The following AP3B1 variants were observed in gnomAD, a reference collection of about 807,000 sequenced individuals.
The protein encoded by AP3B1 is adaptor related protein complex 3 subunit beta 1.
A neutral mutation model predicts 132.5 loss-of-function variants in AP3B1; 61 were observed. That is an observed-to-expected ratio of 0.46 (90% CI 0.37 to 0.57). AP3B1 has a LOEUF of 0.57. Ranked by LOEUF, AP3B1 falls within the 20% of genes least tolerant of loss-of-function variation. The pLI is 0.00. For missense variants in AP3B1, 1,120 were observed against 1,289.4 expected (o/e 0.87, Z 2.01); for synonymous variants, 388 against 438.3 (o/e 0.89, Z 1.43).
At chr5:78,266,914 A>T (rs931397249) in intron 2 of AP3B1, among the ~76,000 whole-genome samples, 1 of 152,188 alleles carries the variant, frequency 6.6e-6, no homozygotes, top group Non-Finnish European at 1.5e-5. Context: ...ATAAAAAATT[A>T]AAATTAAAAC....
At chr5:78,203,830 A>C (rs1316686324) in intron 7 of AP3B1, among the ~76,000 whole-genome samples, 1 of 152,166 alleles carries the variant, frequency 6.6e-6, no homozygotes, top group African/African-American at 2.4e-5. Context: ...AATTGACTTA[A>C]GTTCACCCAT....
At chr5:78,140,324 A>C (rs1753091643) in intron 15 of AP3B1, among the ~76,000 whole-genome samples, 1 of 152,192 alleles carries the variant, frequency 6.6e-6, no homozygotes, top group African/African-American at 2.4e-5. Flanking sequence ...CCATGCGTTC[A>C]AACTGCAAAA....
chr5:78,072,573 C>T (rs1474159240), intron 22 of AP3B1, among the ~76,000 whole-genome samples: 2 of 151,810 alleles, frequency 1.3e-5, no homozygotes, highest in African/African-American at 4.8e-5. Flanking sequence ...TCCATATTAA[C>T]ATTTGGAGGG....
chr5:78,036,076 T>C (rs1430846867), intron 23 of AP3B1, among the ~76,000 whole-genome samples: 3 of 152,144 alleles, frequency 2.0e-5, no homozygotes, highest in Non-Finnish European at 2.9e-5. Flanking sequence ...TCATGTATCT[T>C]TGCATGTCAT....
At chr5:78,078,802 A>G (rs1749867750) in intron 22 of AP3B1, among the ~76,000 whole-genome samples, 1 of 152,186 alleles carries the variant, frequency 6.6e-6, no homozygotes, top group South Asian at 2.1e-4. Context: ...TAGCATAGTG[A>G]TTTAGTCATA....
chr5:78,266,183 T>G (rs1425064513), intron 2 of AP3B1, among the ~76,000 whole-genome samples: 1 of 152,168 alleles, frequency 6.6e-6, no homozygotes, highest in African/African-American at 2.4e-5. Flanking sequence ...CCATGGTAAA[T>G]GAAATTTGAA....
At chr5:78,109,568 A>C (rs924195706) in intron 20 of AP3B1, among the ~76,000 whole-genome samples, 2 of 152,160 alleles carry the variant, frequency 1.3e-5, no homozygotes, top group African/African-American at 4.8e-5. Context: ...AAGACCAAAA[A>C]GATAATTATC....
intron 12 of AP3B1, among the ~76,000 whole-genome samples, chr5:78,163,581 G>C (rs773001906): frequency 2.1e-5 from 3 of 144,224 alleles, no homozygotes; most frequent in African/African-American, 5.3e-5. Context: ...AAGGGTATAT[G>C]TGTGTGTGTG....
chr5:78,165,828 G>C (rs980061448), intron 11 of AP3B1, among the ~76,000 whole-genome samples, 156 bp from the exon 12 acceptor site: 1 of 152,162 alleles, frequency 6.6e-6, no homozygotes, highest in Non-Finnish European at 1.5e-5. Context: ...CAGCACTTTG[G>C]GAAGCCGAGG....
At position 78,036,185 on chromosome 5, in the gene AP3B1, G is replaced by A. The variant is rs184493924; in HGVS notation, c.2810-1740C>T. On this transcript the variant is annotated intron_variant, in intron 23 of 26. Coordinates refer to ENST00000255194, the MANE Select transcript of AP3B1 (RefSeq NM_003664.5). ...TAAGATAATTAACTGTGAGCTTAGT[G>A]CCATACTAATTCTGGGGGACAGTCC... 3.3e-5 allele frequency among the ~76,000 whole-genome samples: 5 copies of A among 152,216 alleles called. No homozygotes were observed. In the East Asian group the frequency reaches 9.7e-4, roughly 29 times the overall value.
intron 17 of AP3B1, among the ~76,000 whole-genome samples, chr5:78,117,301 T>C (rs1170613026): frequency 6.7e-6 from 1 of 148,662 alleles, no homozygotes. Flanking sequence ...GAATTTAAAA[T>C]ATTTTGTGCA....
Position 78,163,439 on chromosome 5 carries a change from G to A in AP3B1, c.1231-488C>T, listed in dbSNP as rs559883364. 7.1e-4 allele frequency among the ~76,000 whole-genome samples: 108 copies of A among 151,828 alleles called. 1 individual carries two copies. The highest frequency in any genetic ancestry group is 5.8e-4 in the East Asian group (3 of 5,162). ...TTTTAATTTCAAAATCTATCACAAT[G>A]GTTGTAAAAGAATAATAGTTACGGT... On this transcript the variant is annotated intron_variant, in intron 12 of 26. Transcript: ENST00000255194.
chr5:78,110,775 CGT>C (rs1491505221), intron 19 of AP3B1, among the ~76,000 whole-genome samples: 2 of 143,268 alleles, frequency 1.4e-5, no homozygotes, highest in Non-Finnish European at 3.1e-5. Flanking sequence ...TGTATATATA[CGT>C]ATATATATAC....
intron 16 of AP3B1, 106 bp downstream of exon 16, chr5:78,129,015 A>C (rs887009635): frequency 3.2e-6 from 3 of 942,112 alleles, no homozygotes; most frequent in African/African-American, 1.7e-5. Flanking sequence ...ATATATGCGA[A>C]TCATTTATAT....
At position 78,020,784 on chromosome 5, in the gene AP3B1, T is replaced by C. The variant is rs766616397; in HGVS notation, c.2900A>G (p.Lys967Arg). The change falls in exon 25 of 27, where the codon AAG (lysine) becomes AGG (arginine). Residue 967 changes from lysine to arginine, a missense_variant. This residue lies in a region of AP3B1 where 906 missense variants were observed against 997.1 expected (regional missense o/e 0.91). Coordinates refer to ENST00000255194, the MANE Select transcript of AP3B1 (RefSeq NM_003664.5). ...AATATTAACATTGAAGCAATCATCCTTGGTACTGAAGAAAAACAATCAAAG... is the reference window on the plus strand; with the variant it reads ...AATATTAACATTGAAGCAATCATCCCTGGTACTGAAGAAAAACAATCAAAG... ...TQTASFQLCT[K>R]DDCFNVNIQP... is the part of the protein sequence containing the mutation. The C allele has an allele frequency of 1.3e-5, 21 of 1,610,488 alleles. No individual in the cohort carries two copies. In the African/African-American group the frequency reaches 1.9e-4, roughly 14 times the overall value.
intron 7 of AP3B1, among the ~76,000 whole-genome samples, chr5:78,187,512 T>C (rs1381550933): frequency 6.6e-6 from 1 of 152,154 alleles, no homozygotes; most frequent in East Asian, 1.9e-4. Context: ...TATTTTGCTG[T>C]ACAAATGTTT....
chr5:78,206,902 A>C (rs888931266), intron 7 of AP3B1, among the ~76,000 whole-genome samples: 1 of 152,198 alleles, frequency 6.6e-6, no homozygotes, highest in African/African-American at 2.4e-5. Context: ...CAGGAGGATC[A>C]CATGAGCCCC....
intron 3 of AP3B1, among the ~76,000 whole-genome samples, chr5:78,236,632 G>T (rs1435100684): frequency 6.6e-6 from 1 of 152,128 alleles, no homozygotes; most frequent in Non-Finnish European, 1.5e-5. Flanking sequence ...GCCCCACAGG[G>T]TTATTTGTGA....
At chr5:78,232,468 T>C (rs6898821) in intron 3 of AP3B1, among the ~76,000 whole-genome samples, 50,818 of 151,968 alleles carry the variant, frequency 0.33, 8,603 homozygotes, top group Middle Eastern at 0.43. Flanking sequence ...CTACAGATGA[T>C]ATCAACCCAC....
Sources: gnomAD v4.1 joint callset for allele counts (sites outside exome capture counted in the v4.1 genomes callset) on GRCh38, gnomAD v4.1.1 for gene constraint, gnomAD v4.1.1 regional missense constraint, MANE v1.5 for transcripts, NCBI Gene and HGNC (gene_info 2026-07-23, HGNC 2026-07-21) for gene names.